DIS3L2: variants seen among roughly 807,000 people sequenced by gnomAD.
DIS3L2 encodes the protein DIS3 like 3'-5' exoribonuclease 2, also known as DIS3-like exonuclease 2.
A neutral mutation model predicts 97.5 loss-of-function variants in DIS3L2; 34 were observed. The observed-to-expected ratio is 0.35, with a 90% CI of 0.27 to 0.46. DIS3L2 has a LOEUF of 0.46. Ranked by LOEUF, DIS3L2 falls within the 20% of genes least tolerant of loss-of-function variation. DIS3L2 has a pLI of 1.00. For synonymous variants in DIS3L2, 435 were observed against 445.2 expected, an observed-to-expected ratio of 0.98 and a Z score of 0.29; for missense variants, 1,038 against 1,146.0, an observed-to-expected ratio of 0.91 and a Z score of 1.36.
intron 9 of DIS3L2, among the ~76,000 whole-genome samples, chr2:232,208,050 T>C (rs1274193346): frequency 6.6e-6 from 1 of 152,212 alleles, no homozygotes; most frequent in Non-Finnish European, 1.5e-5. Flanking sequence ...TGTTTTACTC[T>C]TCTTGATTTG....
intron 17 of DIS3L2, 116 bp downstream of exon 17, chr2:232,334,103 C>G: frequency 6.9e-7 from 1 of 1,452,464 alleles, no homozygotes; most frequent in Non-Finnish European, 9.1e-7. Flanking sequence ...GTCCAAGGGT[C>G]GGGCGACCCA....
At chr2:232,295,660 C>T (rs962396630) in intron 13 of DIS3L2, among the ~76,000 whole-genome samples, 6 of 152,196 alleles carry the variant, frequency 3.9e-5, no homozygotes, top group Admixed American at 3.9e-4. Flanking sequence ...TGAATCTTGC[C>T]TCTTCCCTAG....
chr2:232,024,815 C>G (rs182285264), intron 4 of DIS3L2, among the ~76,000 whole-genome samples: 1 of 152,034 alleles, frequency 6.6e-6, no homozygotes, highest in Admixed American at 6.5e-5. Flanking sequence ...AAACTTTGTA[C>G]AAGGCTCTTT....
chr2:232,094,852 A>G (rs910764228), intron 6 of DIS3L2, among the ~76,000 whole-genome samples: 3 of 151,890 alleles, frequency 2.0e-5, no homozygotes, highest in African/African-American at 7.3e-5. Flanking sequence ...GTGCATATAT[A>G]TTTAAGATTT....
In DIS3L2 at chr2:232,281,323, C is replaced by T. The variant is rs541342866; in HGVS notation, c.1659+17883C>T. Among the ~76,000 whole-genome samples the T allele has an allele frequency of 7.2e-5, 11 of 152,230 alleles. No homozygotes were observed. The highest frequency in any genetic ancestry group is 4.1e-4 in the South Asian group (2 of 4,824). ...CTGAGGCAGGAGAAGGGCGTGAACC[C>T]GGGAGGCGGAGCTTGCAGTGAGCCG... is the stretch of plus-strand genomic sequence containing the variant. On this transcript the variant is annotated intron_variant, in intron 13 of 20. Coordinates refer to ENST00000325385, the MANE Select transcript of DIS3L2 (RefSeq NM_152383.5). The surrounding 1 kb of genome is among the most constrained non-coding windows in gnomAD (Gnocchi z 4.1).
intron 1 of DIS3L2, among the ~76,000 whole-genome samples, chr2:231,993,648 A>C (rs760342571): frequency 2.6e-5 from 4 of 152,184 alleles, no homozygotes; most frequent in Admixed American, 6.5e-5. Context: ...ATTGTAGGTA[A>C]ATGGTGTCCA....
Position 232,318,427 on chromosome 2 carries a change from G to A in DIS3L2, c.1740-11386G>A, listed in dbSNP as rs1002629950. On this transcript the variant is annotated intron_variant, in intron 14 of 20. Transcript: ENST00000325385. ...GCTTGTCCAGCAAACATTATTGGAC[G>A]CCTATTAGTGCCAGGTACTGCACTG... 5.9e-5 allele frequency among the ~76,000 whole-genome samples: 9 copies of A among 152,214 alleles called. No individual in the cohort carries two copies. In the East Asian group the frequency reaches 7.7e-4, roughly 13 times the overall value.
At chr2:232,334,268 A>G (rs1695866248) in intron 17 of DIS3L2, 101 bp from the exon 18 acceptor site, 4 of 1,425,118 alleles carry the variant, frequency 2.8e-6, no homozygotes, top group Non-Finnish European at 3.8e-6. Context: ...TTGGGGTCCT[A>G]ATCTGTCGGC....
intron 12 of DIS3L2, chr2:232,260,598 G>A (rs779807539): frequency 6.6e-6 from 1 of 152,244 alleles, no homozygotes; most frequent in African/African-American, 2.4e-5. Flanking sequence ...AATATGGAAA[G>A]AATAGTTTCA....
chr2:232,172,345 CTG>C (rs1238862110), intron 9 of DIS3L2, among the ~76,000 whole-genome samples: 3 of 152,182 alleles, frequency 2.0e-5, no homozygotes, highest in East Asian at 3.8e-4. Flanking sequence ...TTTTCAGTCT[CTG>C]TGGATTTCCC....
chr2:232,165,870 A>G (rs951974404), intron 9 of DIS3L2, among the ~76,000 whole-genome samples: 3 of 152,152 alleles, frequency 2.0e-5, no homozygotes, highest in African/African-American at 7.2e-5. Flanking sequence ...AAAAAATTAT[A>G]AATGTGAAAG....
chr2:232,247,393 A>G (rs571566596), intron 11 of DIS3L2, among the ~76,000 whole-genome samples: 1 of 152,038 alleles, frequency 6.6e-6, no homozygotes, highest in South Asian at 2.1e-4. Flanking sequence ...GTTCCTGGTG[A>G]TGGTCTCTTC....
chr2:231,986,978 T>A (rs1014497971), intron 1 of DIS3L2, among the ~76,000 whole-genome samples: 1 of 152,252 alleles, frequency 6.6e-6, no homozygotes, highest in African/African-American at 2.4e-5. Flanking sequence ...GAGTTAAAGT[T>A]AGGTCTGCAT....
At chr2:232,236,257 A>G (rs145149452) in intron 10 of DIS3L2, among the ~76,000 whole-genome samples, 195 of 152,308 alleles carry the variant, frequency 1.3e-3, no homozygotes, top group Non-Finnish European at 2.3e-3. Flanking sequence ...GTAGGAGGAT[A>G]ATAAGTAGCT....
At chr2:231,989,614 G>A (rs1693527982) in intron 1 of DIS3L2, among the ~76,000 whole-genome samples, 2 of 152,140 alleles carry the variant, frequency 1.3e-5, no homozygotes, top group South Asian at 4.2e-4. Context: ...AGGCCGGATC[G>A]CTTGAGCCCA....
At chr2:232,162,222 C>T (rs1018626183) in intron 8 of DIS3L2, among the ~76,000 whole-genome samples, 4 of 152,136 alleles carry the variant, frequency 2.6e-5, no homozygotes, top group African/African-American at 9.7e-5. Context: ...GGAGAGACCA[C>T]CCATTTGTGG....
chr2:232,065,285 C>T (rs1195853766), intron 5 of DIS3L2, among the ~76,000 whole-genome samples: 1 of 152,004 alleles, frequency 6.6e-6, no homozygotes, highest in East Asian at 1.9e-4. Context: ...CTGGCAACCA[C>T]CATTCTACTC....
intron 13 of DIS3L2, among the ~76,000 whole-genome samples, chr2:232,265,398 C>T (rs904680531): frequency 7.2e-5 from 11 of 152,172 alleles, no homozygotes; most frequent in African/African-American, 2.7e-4. Flanking sequence ...ATCTGTCTCT[C>T]TATCCCTGGC....
chr2:231,969,746 T>C (rs536025868), intron 1 of DIS3L2, among the ~76,000 whole-genome samples: 1 of 152,350 alleles, frequency 6.6e-6, no homozygotes, highest in East Asian at 1.9e-4. Flanking sequence ...CAAGTAACAA[T>C]GTTAAATAGA....
Sources: allele counts gnomAD v4.1 joint callset (sites outside exome capture counted in the v4.1 genomes callset), GRCh38; gene constraint gnomAD v4.1.1; non-coding constraint Gnocchi (gnomAD v3.1); transcripts MANE v1.5; gene names NCBI Gene and HGNC (gene_info 2026-07-23, HGNC 2026-07-21).